COP1: variants seen among roughly 807,000 people sequenced by gnomAD.
COP1 encodes the protein COP1 E3 ubiquitin ligase, also known as E3 ubiquitin-protein ligase COP1.
COP1 carries 24 observed loss-of-function variants against 101.3 expected under a neutral mutation model. That is an observed-to-expected ratio of 0.24 (90% confidence interval 0.17 to 0.33). The LOEUF (loss-of-function observed/expected upper bound fraction) is 0.33. COP1 is among the 10% of genes least tolerant of loss of function. The probability of loss-of-function intolerance (pLI) is 1.00; values close to 1 mark genes in which losing one functional copy is unlikely to be tolerated. For missense variants in COP1, 663 were observed against 906.2 expected (o/e 0.73, Z 3.45); for synonymous variants, 347 against 341.9 (o/e 1.01, Z -0.17).
At chr1:176,076,397 C>T (rs1488786510) in intron 11 of COP1, among the ~76,000 whole-genome samples, 2 of 151,996 alleles carry the variant, frequency 1.3e-5, no homozygotes, top group Admixed American at 1.3e-4. Context: ...GAAATTAAGG[C>T]AGGAATAACA....
chr1:176,184,299 C>T (rs576150307), intron 2 of COP1, among the ~76,000 whole-genome samples: 15 of 152,162 alleles, frequency 9.9e-5, no homozygotes, highest in Non-Finnish European at 2.1e-4. Flanking sequence ...TCCAACCTAT[C>T]CCCACAAGTG....
intron 11 of COP1, among the ~76,000 whole-genome samples, chr1:176,071,731 A>C (rs1428292395): frequency 6.6e-6 from 1 of 152,230 alleles, no homozygotes; most frequent in African/African-American, 2.4e-5. Flanking sequence ...TATTAACCTT[A>C]AAATGTGGCT....
intron 9 of COP1, among the ~76,000 whole-genome samples, chr1:176,109,931 C>T (rs1684986706): frequency 6.6e-6 from 1 of 151,936 alleles, no homozygotes; most frequent in South Asian, 2.1e-4. Context: ...AAAATGAAAG[C>T]ATTCAAGACT....
rs116593726 is a variant in COP1 at position 176,152,716 on chromosome 1, C to T, written c.763-3642G>A. 5.6e-3 allele frequency among the ~76,000 whole-genome samples: 851 copies of T among 152,234 alleles called. 4 individuals carry two copies. Among genetic ancestry groups the T allele is most frequent in the African/African-American group, 0.019 (806 of 41,562 alleles). On this transcript the variant is annotated intron_variant, in intron 5 of 19. Coordinates refer to ENST00000367669, the MANE Select transcript of COP1 (RefSeq NM_022457.7). ...CTGGCCTCCCAAAGTGCCGTAATTA[C>T]GGCGTGAGCCACTGTGCCCAGCTTA...
chr1:176,184,600 A>G lies in COP1; in HGVS notation c.467+33T>C, dbSNP rs905824282. On this transcript the variant is annotated intron_variant, in intron 2 of 19. Coordinates refer to ENST00000367669, the MANE Select transcript of COP1 (RefSeq NM_022457.7). The stretch of plus-strand genomic sequence containing the variant: ...ATTTACAGATAAGTTTTAAAATGTT[A>G]AAAGATTATTTTACTCAATAGAATT... The G allele has an allele frequency of 3.9e-6, 6 of 1,522,076 alleles. No individual in the cohort carries two copies. The African/African-American group carries it at 8.4e-5, about 21-fold the overall frequency. 94.3% of individuals were successfully genotyped at this position (1,522,076 alleles called of 1,614,324 possible).
At chr1:176,006,273 G>C (rs1021641264) in intron 15 of COP1, among the ~76,000 whole-genome samples, 1 of 152,124 alleles carries the variant, frequency 6.6e-6, no homozygotes, top group Non-Finnish European at 1.5e-5. Flanking sequence ...CCTGAATACA[G>C]CACACTGATG....
chr1:176,185,418 T>C (rs543042699), intron 1 of COP1, among the ~76,000 whole-genome samples: 19 of 152,228 alleles, frequency 1.2e-4, no homozygotes, highest in Non-Finnish European at 2.2e-4. Flanking sequence ...TAAATACCAA[T>C]TGTAATCCTC....
chr1:176,009,191 A>C (rs1664150002), intron 15 of COP1, among the ~76,000 whole-genome samples: 3 of 152,150 alleles, frequency 2.0e-5, no homozygotes, highest in Admixed American at 2.0e-4. Context: ...TTGATTGCCC[A>C]ACTGGTACTA....
intron 18 of COP1, among the ~76,000 whole-genome samples, chr1:175,966,447 A>G (rs1261030448): frequency 6.6e-6 from 1 of 152,222 alleles, no homozygotes; most frequent in African/African-American, 2.4e-5. Flanking sequence ...TATTTTTATC[A>G]TCAATTTACA....
intron 18 of COP1, among the ~76,000 whole-genome samples, chr1:175,959,427 C>T (rs943700569): frequency 1.3e-5 from 2 of 151,914 alleles, no homozygotes; most frequent in African/African-American, 4.8e-5. Flanking sequence ...TTTTATTTAA[C>T]ATTACATTAG....
chr1:175,998,239 C>T (rs1323455339), intron 15 of COP1, among the ~76,000 whole-genome samples: 6 of 151,024 alleles, frequency 4.0e-5, no homozygotes, highest in African/African-American at 1.5e-4. Context: ...CATATTCTCA[C>T]TCATAGGTGG....
intron 9 of COP1, among the ~76,000 whole-genome samples, chr1:176,108,590 G>A (rs1684750597): frequency 6.6e-6 from 1 of 151,862 alleles, no homozygotes; most frequent in African/African-American, 2.4e-5. Context: ...GCACATGGTT[G>A]AGCACATACA....
chr1:176,203,493 T>C (rs1202177019), intron 1 of COP1, among the ~76,000 whole-genome samples: 1 of 152,186 alleles, frequency 6.6e-6, no homozygotes, highest in Non-Finnish European at 1.5e-5. Context: ...TATAGAATTG[T>C]TTAAAAAAGG....
chr1:176,088,722 G>A (rs1181374030), intron 9 of COP1, among the ~76,000 whole-genome samples: 4 of 152,018 alleles, frequency 2.6e-5, no homozygotes, highest in African/African-American at 9.7e-5. Context: ...TTGGCCGGGC[G>A]CAGTGGCTCG....
At chr1:176,108,840 G>A (rs1472514062) in intron 9 of COP1, among the ~76,000 whole-genome samples, 6 of 152,132 alleles carry the variant, frequency 3.9e-5, no homozygotes, top group African/African-American at 4.8e-5. Flanking sequence ...TTGGCCTGGA[G>A]CGGTGGCTCA....
intron 6 of COP1, among the ~76,000 whole-genome samples, chr1:176,137,833 T>C (rs1410721537): frequency 2.0e-5 from 3 of 152,162 alleles, no homozygotes; most frequent in South Asian, 4.1e-4. Flanking sequence ...ATTAATAACT[T>C]ACTCATTCAA....
chr1:176,076,585 T>G (rs1272845991), intron 11 of COP1, among the ~76,000 whole-genome samples: 2 of 151,928 alleles, frequency 1.3e-5, no homozygotes, highest in African/African-American at 4.8e-5. Context: ...AAGAACAATC[T>G]AATCCCAAAG....
intron 15 of COP1, among the ~76,000 whole-genome samples, chr1:176,000,914 A>G (rs1317961468): frequency 2.6e-5 from 4 of 152,040 alleles, no homozygotes; most frequent in Non-Finnish European, 4.4e-5. Context: ...ATGATCACTA[A>G]TTTAATTTCA....
rs145580526 is a variant in COP1, at chr1:176,031,811, C to A, written c.1613-4123G>T. 2.6e-3 allele frequency among the ~76,000 whole-genome samples: 398 copies of A among 152,164 alleles called. 3 individuals are homozygous for A. Among genetic ancestry groups the A allele is most frequent in the African/African-American group, 9.2e-3 (380 of 41,518 alleles). ...TAATTTTTCAGTTCGATTTTGAAAT[C>A]CTGAATCTTAAAAAATCCAACTACA... On this transcript the variant is annotated intron_variant, in intron 14 of 19. Transcript: ENST00000367669.
Sources: allele counts gnomAD v4.1 joint callset (sites outside exome capture counted in the v4.1 genomes callset), GRCh38; gene constraint gnomAD v4.1.1; transcripts MANE v1.5; gene names NCBI Gene and HGNC (gene_info 2026-07-23, HGNC 2026-07-21).